The following LUZP1 variants were observed in gnomAD, a reference collection of about 807,000 sequenced individuals.
LUZP1 encodes filamin mechanobinding actin cross-linking protein.
A neutral mutation model predicts 71.3 loss-of-function variants in LUZP1; 25 were observed. That is an observed-to-expected ratio of 0.35 (90% CI 0.26 to 0.49). LUZP1 has a LOEUF of 0.49. Ranked by LOEUF, LUZP1 falls within the 20% of genes least tolerant of loss-of-function variation. The pLI, the probability that LUZP1 is intolerant of heterozygous loss-of-function variation, is 0.99. For missense variants in LUZP1, 1,142 were observed against 1,300.8 expected (o/e 0.88, Z 1.88); for synonymous variants, 481 against 506.4 (o/e 0.95, Z 0.67).
intron 2 of LUZP1, among the ~76,000 whole-genome samples, chr1:23,150,830 GACCT>G (rs1288589403): frequency 3.3e-5 from 5 of 152,118 alleles, no homozygotes; most frequent in African/African-American, 4.8e-5. Context: ...CCAGAAGCTG[GACCT>G]GAAATATCCT....
chr1:23,134,029 G>A (rs1212755021), intron 2 of LUZP1, among the ~76,000 whole-genome samples: 1 of 152,094 alleles, frequency 6.6e-6, no homozygotes, highest in African/African-American at 2.4e-5. Flanking sequence ...CTAGATCAGG[G>A]GTCTGCAAAC....
exon 1 of LUZP1, chr1:23,177,783 A>C (rs1644592008): frequency 6.6e-6 from 1 of 152,178 alleles, no homozygotes; most frequent in Non-Finnish European, 1.5e-5. Flanking sequence ...CGGGCCTGGG[A>C]AGCCGCCGGT....
chr1:23,095,067 A>G (rs913708057), intron 3 of LUZP1, among the ~76,000 whole-genome samples: 3 of 152,188 alleles, frequency 2.0e-5, no homozygotes, highest in Admixed American at 6.5e-5. Flanking sequence ...TTGCACTGTA[A>G]AAGAAATGCC....
chr1:23,127,704 T>C lies in LUZP1; in HGVS notation c.-225-18577A>G, dbSNP rs892702755. On this transcript the variant is annotated intron_variant, in intron 2 of 4. Coordinates refer to ENST00000302291, the Ensembl canonical transcript of LUZP1. ...AAGCCCAGCTAATTTTTTGCATTTT[T>C]AGTAGAGACGGGGTTTCTCCATGTT... Among the ~76,000 whole-genome samples the C allele has an allele frequency of 3.3e-5, 5 of 152,254 alleles. 1 individual carries two copies. Among genetic ancestry groups the C allele is most frequent in the African/African-American group, 1.2e-4 (5 of 41,580 alleles).
chr1:23,144,603 G>T (rs12044504), intron 2 of LUZP1, among the ~76,000 whole-genome samples: 26,353 of 151,960 alleles, frequency 0.17, 2,351 homozygotes, highest in East Asian at 0.27. Flanking sequence ...CTTCAAATAT[G>T]GTTTCTCAGC....
At chr1:23,151,893 T>A (rs1644387601) in intron 2 of LUZP1, among the ~76,000 whole-genome samples, 1 of 151,540 alleles carries the variant, frequency 6.6e-6, no homozygotes, top group Non-Finnish European at 1.5e-5. Context: ...TCCCAGCTGC[T>A]CGGGAGGCTG....
chr1:23,103,867 G>A (rs1226324094), intron 3 of LUZP1, among the ~76,000 whole-genome samples: 2,877 of 13,882 alleles, frequency 0.21, 231 homozygotes, highest in East Asian at 0.32. Context: ...AGGGAGGGAG[G>A]GAGGGAGGGA....
intron 2 of LUZP1, among the ~76,000 whole-genome samples, chr1:23,138,281 G>A (rs2124700524): frequency 6.6e-6 from 1 of 152,076 alleles, no homozygotes; most frequent in East Asian, 1.9e-4. Context: ...ACCACAAAAT[G>A]TAGTATTATT....
At chr1:23,134,175 T>C (rs1208851806) in intron 2 of LUZP1, among the ~76,000 whole-genome samples, 1 of 152,138 alleles carries the variant, frequency 6.6e-6, no homozygotes, top group African/African-American at 2.4e-5. Flanking sequence ...TGCTGACTCC[T>C]ACTCTAGATT....
At chr1:23,129,577 C>T (rs546681713) in intron 2 of LUZP1, among the ~76,000 whole-genome samples, 3 of 152,212 alleles carry the variant, frequency 2.0e-5, no homozygotes, top group Non-Finnish European at 2.9e-5. Context: ...ACAAAAACTC[C>T]GTCTCAAAAT....
At chr1:23,124,476 G>T (rs893383764) in intron 2 of LUZP1, among the ~76,000 whole-genome samples, 6 of 152,194 alleles carry the variant, frequency 3.9e-5, no homozygotes, top group Admixed American at 6.5e-5. Context: ...CCAACTCTCT[G>T]TGAATTCTCC....
At chr1:23,102,738 T>C (rs549584557) in intron 3 of LUZP1, among the ~76,000 whole-genome samples, 26 of 152,084 alleles carry the variant, frequency 1.7e-4, no homozygotes, top group Non-Finnish European at 2.6e-4. Context: ...GCGGGGAGGA[T>C]TGCTTGAGGC....
chr1:23,084,653 ATTCT>A (rs1310658762), exon 5 of LUZP1: 2 of 152,134 alleles, frequency 1.3e-5, no homozygotes, highest in Non-Finnish European at 2.9e-5. Context: ...ATGTGGTTTT[ATTCT>A]TTCTTACTGT....
chr1:23,140,490 T>C (rs978940194), intron 2 of LUZP1: 2 of 152,150 alleles, frequency 1.3e-5, no homozygotes, highest in African/African-American at 4.8e-5. Context: ...CACAATGCCA[T>C]CTTCAACTAC....
At chr1:23,138,633 A>C (rs1438687389) in intron 2 of LUZP1, among the ~76,000 whole-genome samples, 1 of 150,954 alleles carries the variant, frequency 6.6e-6, no homozygotes, top group African/African-American at 2.4e-5. Flanking sequence ...ATACACATAA[A>C]ATGATTTTTA....
intron 2 of LUZP1, among the ~76,000 whole-genome samples, chr1:23,132,333 T>A (rs1405377409): frequency 6.6e-6 from 1 of 152,126 alleles, no homozygotes; most frequent in Non-Finnish European, 1.5e-5. Context: ...GACACTGCCA[T>A]CCCCAGTCAA....
At chr1:23,123,387 G>A (rs1466368999) in intron 2 of LUZP1, among the ~76,000 whole-genome samples, 1 of 151,702 alleles carries the variant, frequency 6.6e-6, no homozygotes, top group East Asian at 1.9e-4. Flanking sequence ...AGCTACTCAG[G>A]AGGCTGAGGC....
intron 3 of LUZP1, among the ~76,000 whole-genome samples, chr1:23,106,563 C>A (rs767523879): frequency 1.3e-5 from 2 of 151,788 alleles, no homozygotes; most frequent in Non-Finnish European, 2.9e-5. Context: ...TGAGATCACA[C>A]CACTATACTC....
intron 2 of LUZP1, among the ~76,000 whole-genome samples, chr1:23,148,378 C>T (rs1644358813): frequency 6.6e-6 from 1 of 152,122 alleles, no homozygotes; most frequent in Non-Finnish European, 1.5e-5. Context: ...AAAACAACAA[C>T]GACCAAAGTG....
Sources: gnomAD v4.1 joint callset for allele counts (sites outside exome capture counted in the v4.1 genomes callset) on GRCh38, gnomAD v4.1.1 for gene constraint, MANE v1.5 for transcripts, NCBI Gene and HGNC (gene_info 2026-07-23, HGNC 2026-07-21) for gene names.